Variants in ESRRG observed in about 807,000 individuals in gnomAD.
ESRRG encodes the protein estrogen related receptor gamma.
Under a neutral mutation model 44.0 loss-of-function variants are expected in ESRRG, and 13 were observed. That is an observed-to-expected ratio of 0.30 (90% confidence interval 0.19 to 0.47). ESRRG has a LOEUF of 0.47. Among genes scored for constraint, ESRRG ranks in the 20% least tolerant of loss-of-function variants. The pLI is 1.00. For synonymous variants in ESRRG, 215 were observed against 214.6 expected (o/e 1.00, Z -0.02); for missense variants, 395 against 580.6 (o/e 0.68, Z 3.29).
chr1:217,063,316 G>C (rs751102001), intron 1 of ESRRG, among the ~76,000 whole-genome samples: 2 of 152,120 alleles, frequency 1.3e-5, no homozygotes, highest in Non-Finnish European at 2.9e-5. Context: ...TGTATCCAGG[G>C]TATAGATATG....
intron 2 of ESRRG, among the ~76,000 whole-genome samples, chr1:216,770,763 A>C (rs1410772398): frequency 6.6e-6 from 1 of 152,080 alleles, no homozygotes; most frequent in Non-Finnish European, 1.5e-5. Context: ...GTAACTATTC[A>C]ACATTTCCTG....
At chr1:217,036,168 C>T (rs1324191576) in intron 1 of ESRRG, among the ~76,000 whole-genome samples, 1 of 152,048 alleles carries the variant, frequency 6.6e-6, no homozygotes, top group Non-Finnish European at 1.5e-5. Flanking sequence ...ATAACAGATG[C>T]TAGTGAGGCT....
At chr1:216,661,386 C>T (rs1465371779) in intron 2 of ESRRG, among the ~76,000 whole-genome samples, 2 of 152,168 alleles carry the variant, frequency 1.3e-5, no homozygotes, top group East Asian at 1.9e-4. Flanking sequence ...TTTTAAACAA[C>T]CTTGATGCAA....
intron 2 of ESRRG, among the ~76,000 whole-genome samples, chr1:216,937,530 C>A (rs1438707426): frequency 6.6e-6 from 1 of 152,170 alleles, no homozygotes; most frequent in Non-Finnish European, 1.5e-5. Context: ...CAGATGATAT[C>A]TGTTTTCTCC....
intron 1 of ESRRG, among the ~76,000 whole-genome samples, chr1:216,700,159 G>A (rs932866652): frequency 2.0e-5 from 3 of 149,448 alleles, no homozygotes; most frequent in African/African-American, 7.4e-5. Context: ...TAGATACCTC[G>A]CTTAACTATT....
chr1:216,806,328 A>T lies in ESRRG; in HGVS notation c.-13-128837T>A, dbSNP rs568765827. On this transcript the variant is annotated intron_variant, in intron 2 of 7. Transcript: ENST00000359162. ...TGGCTTTTTGATGTAATTTCAAGAG[A>T]TGATTTGAAATGTCATGTTGCTGCA... 3.9e-5 allele frequency among the ~76,000 whole-genome samples: 6 copies of T among 152,314 alleles called. No individual in the cohort carries two copies. The South Asian group carries it at 1.0e-3, about 26-fold the overall frequency.
intron 1 of ESRRG, among the ~76,000 whole-genome samples, chr1:217,081,024 C>A (rs1484713003): frequency 6.6e-6 from 1 of 151,798 alleles, no homozygotes; most frequent in African/African-American, 2.4e-5. Flanking sequence ...TTTTGTTGAT[C>A]ATTATCTTAT....
At chr1:216,977,412 A>G (rs2150355278) in intron 1 of ESRRG, among the ~76,000 whole-genome samples, 1 of 151,774 alleles carries the variant, frequency 6.6e-6, no homozygotes, top group African/African-American at 2.4e-5. Context: ...ATGTGAACTA[A>G]ATTTTAAAAG....
intron 3 of ESRRG, among the ~76,000 whole-genome samples, chr1:216,569,910 A>G (rs541654938): frequency 2.6e-5 from 4 of 152,294 alleles, no homozygotes; most frequent in South Asian, 2.1e-4. Context: ...TTGCAAACCA[A>G]TTGAACCAGA....
chr1:216,770,024 A>C (rs189172911), intron 2 of ESRRG, among the ~76,000 whole-genome samples: 24 of 152,220 alleles, frequency 1.6e-4, no homozygotes, highest in Admixed American at 5.2e-4. Context: ...AAAACTGAGA[A>C]GTGAATTAGG....
chr1:216,632,089 T>C (rs193135381), intron 3 of ESRRG, among the ~76,000 whole-genome samples: 1 of 152,334 alleles, frequency 6.6e-6, no homozygotes, highest in Admixed American at 6.5e-5. Flanking sequence ...AATCTTATAT[T>C]TTAGAAAACA....
chr1:216,805,544 A>G (rs950729612), intron 2 of ESRRG, among the ~76,000 whole-genome samples: 6 of 152,262 alleles, frequency 3.9e-5, no homozygotes, highest in Non-Finnish European at 4.4e-5. Flanking sequence ...TTCGTTGCCA[A>G]TTGAGATTGA....
intron 1 of ESRRG, among the ~76,000 whole-genome samples, chr1:217,096,441 G>A (rs1258231782): frequency 1.3e-5 from 2 of 152,214 alleles, no homozygotes; most frequent in African/African-American, 4.8e-5. Flanking sequence ...ACAGTTGAGT[G>A]TGAGTCTCAT....
chr1:216,773,220 C>T (rs1163097205), intron 2 of ESRRG, among the ~76,000 whole-genome samples: 1 of 151,972 alleles, frequency 6.6e-6, no homozygotes, highest in Non-Finnish European at 1.5e-5. Flanking sequence ...TGTTTGTTTT[C>T]AAGAGATTGG....
chr1:216,964,180 T>A (rs551616962), intron 1 of ESRRG, among the ~76,000 whole-genome samples: 24 of 152,074 alleles, frequency 1.6e-4, no homozygotes, highest in Non-Finnish European at 2.9e-4. Context: ...TTTGAGGGAA[T>A]GCTTAGGATT....
chr1:216,889,331 GT>G (rs2057460895), intron 2 of ESRRG, among the ~76,000 whole-genome samples: 1 of 152,154 alleles, frequency 6.6e-6, no homozygotes, highest in Admixed American at 6.5e-5. Context: ...AACGTAGAGG[GT>G]TTTTGCACAT....
intron 5 of ESRRG, among the ~76,000 whole-genome samples, chr1:216,563,672 A>C (rs1336184982): frequency 6.6e-6 from 1 of 152,202 alleles, no homozygotes; most frequent in Non-Finnish European, 1.5e-5. Flanking sequence ...TTTAAATGCT[A>C]ACTTTAAATT....
At chr1:216,798,894 A>G (rs1287907822) in intron 2 of ESRRG, among the ~76,000 whole-genome samples, 4 of 152,094 alleles carry the variant, frequency 2.6e-5, no homozygotes, top group African/African-American at 9.7e-5. Flanking sequence ...ACTCATATTA[A>G]TTGCCATTAA....
At chr1:216,525,324 C>G (rs997749810) in intron 5 of ESRRG, among the ~76,000 whole-genome samples, 1 of 152,086 alleles carries the variant, frequency 6.6e-6, no homozygotes, top group African/African-American at 2.4e-5. Flanking sequence ...TGTGCAGTTC[C>G]TCTTTGGAAG....
Sources: gnomAD v4.1 joint callset for allele counts (sites outside exome capture counted in the v4.1 genomes callset) on GRCh38, gnomAD v4.1.1 for gene constraint, MANE v1.5 for transcripts, NCBI Gene and HGNC (gene_info 2026-07-23, HGNC 2026-07-21) for gene names.